The following PTPRA variants were observed in gnomAD, a reference collection of about 807,000 sequenced individuals.
PTPRA encodes protein tyrosine phosphatase receptor type A.
A neutral mutation model predicts 104.8 loss-of-function variants in PTPRA; 25 were observed. The observed-to-expected ratio is 0.24, with a 90% CI of 0.17 to 0.33. The LOEUF (loss-of-function observed/expected upper bound fraction) is 0.33, where lower values mean the gene tolerates loss of function less well. Ranked by LOEUF, PTPRA falls within the 10% of genes least tolerant of loss-of-function variation. The pLI is 1.00. For synonymous variants in PTPRA, 323 were observed against 368.9 expected (o/e 0.88, Z 1.43); for missense variants, 765 against 1,015.3 (o/e 0.75, Z 3.35).
chr20:2,964,465 C>A, intron 4 of PTPRA, 115 bp downstream of exon 4: 2 of 920,466 alleles, frequency 2.2e-6, no homozygotes, highest in Non-Finnish European at 3.3e-6. Flanking sequence ...AAATTTTATT[C>A]AAAGTGATGG....
upstream of PTPRA, among the ~76,000 whole-genome samples, chr20:2,868,460 G>A (rs1054695085): frequency 2.6e-5 from 4 of 151,118 alleles, no homozygotes; most frequent in Non-Finnish European, 4.4e-5. Flanking sequence ...ACTGAACCTG[G>A]CCTGGACTCC....
intron 5 of PTPRA, among the ~76,000 whole-genome samples, chr20:2,969,020 C>T (rs899533958): frequency 1.3e-5 from 2 of 152,062 alleles, no homozygotes; most frequent in East Asian, 1.9e-4. Flanking sequence ...CCAGCCTAGC[C>T]GACATGGCAA....
chr20:3,026,552 A>C, intron 17 of PTPRA, 135 bp from the exon 18 acceptor site: 2 of 654,484 alleles, frequency 3.1e-6, no homozygotes, highest in Non-Finnish European at 5.5e-6. Context: ...ACATATGGGA[A>C]CAGAGGTCAG....
intron 1 of PTPRA, among the ~76,000 whole-genome samples, chr20:2,898,994 C>A (rs1256148409): frequency 6.6e-6 from 1 of 152,200 alleles, no homozygotes; most frequent in African/African-American, 2.4e-5. Context: ...TAGATATGTT[C>A]TTTCTATTGG....
At chr20:3,030,999 T>G (rs1294761458) in intron 20 of PTPRA, among the ~76,000 whole-genome samples, 1 of 151,982 alleles carries the variant, frequency 6.6e-6, no homozygotes, top group East Asian at 1.9e-4. Flanking sequence ...TCTATTTTAA[T>G]CAAAAGGGTC....
intron 5 of PTPRA, among the ~76,000 whole-genome samples, chr20:2,970,792 A>C (rs2062153132): frequency 6.7e-6 from 1 of 150,352 alleles, no homozygotes. Flanking sequence ...TTTCTTCTGG[A>C]CTTCTATGGT....
chr20:3,022,002 C>T lies in PTPRA; in HGVS notation c.1162-52C>T, dbSNP rs1052384461. On this transcript the variant is annotated intron_variant, in intron 14 of 23. Coordinates refer to ENST00000399903, the MANE Select transcript of PTPRA (RefSeq NM_001385305.1). The surrounding 1 kb of genome is among the most constrained non-coding windows in gnomAD (Gnocchi z 4.6). ...AGCTGTCACCTTCCCTCCCCTGGTACTGCCCACCCTTGGGTATCAGGGCCA... is the reference window on the plus strand; with the variant it reads ...AGCTGTCACCTTCCCTCCCCTGGTATTGCCCACCCTTGGGTATCAGGGCCA... 9 of 1,603,328 alleles carry T rather than the reference C, an allele frequency of 5.6e-6. No individual in the cohort carries two copies. The highest frequency in any genetic ancestry group is 1.7e-4 in the Middle Eastern group (1 of 6,042).
chr20:3,009,279 GA>G (rs1478669669), intron 11 of PTPRA, among the ~76,000 whole-genome samples: 2 of 127,396 alleles, frequency 1.6e-5, no homozygotes, highest in East Asian at 7.4e-4. Context: ...TGAGTTGTGT[GA>G]TTTTTTTTTT....
chr20:2,982,918 T>C (rs2062746792), intron 6 of PTPRA, among the ~76,000 whole-genome samples: 1 of 152,010 alleles, frequency 6.6e-6, no homozygotes, highest in African/African-American at 2.4e-5. Flanking sequence ...CAAGCTGGTC[T>C]CGAATTCTTG....
Position 3,011,937 on chromosome 20 carries a change from G to A in PTPRA, c.907-3912G>A, listed in dbSNP as rs912725929. ...ACTGGATGCTTCTACTACCGTGCTT[G>A]CCCAAAGACCAGATTTCTAGCACAG... On this transcript the variant is annotated intron_variant, in intron 11 of 23. Transcript: ENST00000399903. Among the ~76,000 whole-genome samples, 28 of 152,242 alleles carry A rather than the reference G, an allele frequency of 1.8e-4. 1 individual carries two copies. The highest frequency in any genetic ancestry group is 4.1e-4 in the South Asian group (2 of 4,822).
intron 1 of PTPRA, among the ~76,000 whole-genome samples, chr20:2,883,763 A>G (rs1256900765): frequency 6.6e-6 from 1 of 152,150 alleles, no homozygotes; most frequent in Non-Finnish European, 1.5e-5. Context: ...TACATATTAT[A>G]AAATTCTCCT....
chr20:2,969,119 T>C (rs1010447482), intron 5 of PTPRA, among the ~76,000 whole-genome samples: 1 of 151,364 alleles, frequency 6.6e-6, no homozygotes. Context: ...GGCTGAGACA[T>C]GAGAATTGCT....
intron 3 of PTPRA, among the ~76,000 whole-genome samples, chr20:2,954,070 C>T (rs1009967403): frequency 4.1e-5 from 6 of 146,506 alleles, no homozygotes; most frequent in Non-Finnish European, 8.9e-5. Context: ...CCACCATACC[C>T]GGCTAACTTT....
At chr20:2,914,445 C>CTGTGTGTG (rs35272226) in intron 1 of PTPRA, among the ~76,000 whole-genome samples, 2,136 of 145,684 alleles carry the variant, frequency 0.015, 73 homozygotes, top group Admixed American at 0.077. Flanking sequence ...ATTTCTTGCT[C>CTGTGTGTG]TGTGTGTGTG....
chr20:2,875,044 C>T (rs1600033455), intron 1 of PTPRA, among the ~76,000 whole-genome samples: 2 of 152,266 alleles, frequency 1.3e-5, no homozygotes, highest in Admixed American at 1.3e-4. Context: ...GTGTCTTGCC[C>T]ACCTTTCTAT....
chr20:2,926,441 G>C (rs2060297278), intron 2 of PTPRA, among the ~76,000 whole-genome samples: 1 of 152,056 alleles, frequency 6.6e-6, no homozygotes, highest in Non-Finnish European at 1.5e-5. Context: ...TCTGTCTCTT[G>C]TGTCCAAATT....
rs781476772 is a variant in PTPRA at position 3,038,059 on chromosome 20, G to C, written c.2335G>C (p.Glu779Gln). 8 of 1,610,346 alleles carry C rather than the reference G, an allele frequency of 5.0e-6. No individual in the cohort carries two copies. The East Asian group carries it at 1.8e-4, about 36-fold the overall frequency. ...LQRPHMVQTL[E>Q]QYEFCYKVVQ... is the part of the protein sequence containing the mutation. ...TTTTTCCCTACCTTTCACTCTCCAGGAACAGTATGAGTTCTGCTACAAGGT... is the reference window on the plus strand; with the variant it reads ...TTTTTCCCTACCTTTCACTCTCCAGCAACAGTATGAGTTCTGCTACAAGGT... The change falls in exon 24 of 24, where the codon GAA (glutamate) becomes CAA (glutamine). Residue 779 changes from glutamate (E) to glutamine (Q), a missense_variant and splice_region_variant. By Grantham distance (29) the Glu-to-Gln change is conservative (BLOSUM62 2). This residue lies in a region of PTPRA where 72 missense variants were observed against 140.7 expected (regional missense o/e 0.51). Transcript: ENST00000399903.
chr20:3,007,318 T>C, intron 10 of PTPRA, 26 bp from the exon 11 acceptor site: 1 of 1,604,114 alleles, frequency 6.2e-7, no homozygotes, highest in Non-Finnish European at 8.5e-7. Context: ...TTGATTTTAC[T>C]GAAATATTGT....
intron 3 of PTPRA, among the ~76,000 whole-genome samples, chr20:2,953,142 G>GTA: frequency 6.6e-6 from 1 of 152,268 alleles, no homozygotes; most frequent in East Asian, 1.9e-4. Flanking sequence ...GATTTCTATA[G>GTA]TAGTGGTACC....
Sources: allele counts gnomAD v4.1 joint callset (sites outside exome capture counted in the v4.1 genomes callset), GRCh38; gene constraint gnomAD v4.1.1; regional missense constraint gnomAD v4.1.1; non-coding constraint Gnocchi (gnomAD v3.1); transcripts MANE v1.5; gene names NCBI Gene and HGNC (gene_info 2026-07-23, HGNC 2026-07-21).